The following CREB1 variants were observed in gnomAD, a reference collection of about 807,000 sequenced individuals.
CREB1 encodes the protein cyclic AMP-responsive element-binding protein 1.
A neutral mutation model predicts 42.0 loss-of-function variants in CREB1; 2 were observed. The ratio of observed to expected loss-of-function variants is 0.05; its 90% confidence interval spans 0.02 to 0.15. The LOEUF is 0.15. Among genes scored for constraint, CREB1 ranks in the 10% least tolerant of loss-of-function variants. The probability of loss-of-function intolerance (pLI) is 1.00; values close to 1 mark genes in which losing one functional copy is unlikely to be tolerated. For synonymous variants in CREB1, 123 were observed against 139.9 expected (o/e 0.88, Z 0.85); for missense variants, 199 against 388.9 (o/e 0.51, Z 4.11).
chr2:207,582,358 G>C (rs1447935708), intron 7 of CREB1, among the ~76,000 whole-genome samples: 3 of 152,098 alleles, frequency 2.0e-5, no homozygotes, highest in Admixed American at 2.0e-4. Flanking sequence ...TGGGAATTTT[G>C]TATATCTCCA....
intron 1 of CREB1, among the ~76,000 whole-genome samples, chr2:207,544,007 C>CTT (rs1559267851): frequency 6.6e-6 from 1 of 152,136 alleles, no homozygotes; most frequent in Non-Finnish European, 1.5e-5. Context: ...GCAAGCTCTG[C>CTT]CTCCTGGGTT....
chr2:207,535,129 T>C (rs1349656282), intron 1 of CREB1, among the ~76,000 whole-genome samples: 1 of 152,200 alleles, frequency 6.6e-6, no homozygotes, highest in Admixed American at 6.5e-5. Context: ...TTTCTTTAAA[T>C]GAAAAACTTT....
intron 7 of CREB1, among the ~76,000 whole-genome samples, chr2:207,595,465 A>G (rs1371415707): frequency 6.6e-6 from 1 of 151,730 alleles, no homozygotes; most frequent in African/African-American, 2.4e-5. Flanking sequence ...CTGTCTCCCA[A>G]GCTGTGGTAT....
chr2:207,530,667 G>A (rs1047912986), intron 1 of CREB1, among the ~76,000 whole-genome samples: 1 of 151,114 alleles, frequency 6.6e-6, no homozygotes, highest in Non-Finnish European at 1.5e-5. Context: ...GGGGATGGAG[G>A]AGGAAGAAGG....
chr2:207,601,398 C>T lies in CREB1; in HGVS notation c.*4340C>T, dbSNP rs932819841. ...TTTTTCATTGATTAAAATATTTTAG[C>T]ACCTAAAAGCTAGCCTTAAAAACAG... On this transcript the variant is annotated 3_prime_UTR_variant, in exon 8 of 8. Coordinates refer to ENST00000353267, the MANE Select transcript of CREB1 (RefSeq NM_004379.5). The T allele has an allele frequency of 5.4e-6, 1 of 186,634 alleles. No individual in the cohort carries two copies. The highest frequency in any genetic ancestry group is 2.3e-5 in the African/African-American group (1 of 42,850). 11.6% of individuals were successfully genotyped at this position (186,634 alleles called of 1,614,324 possible).
At chr2:207,535,549 A>G (rs1214991375) in intron 1 of CREB1, among the ~76,000 whole-genome samples, 1 of 151,986 alleles carries the variant, frequency 6.6e-6, no homozygotes, top group Non-Finnish European at 1.5e-5. Context: ...ACGATTTTCT[A>G]GTATTTCTTA....
At chr2:207,582,551 C>G (rs1477617399) in intron 7 of CREB1, among the ~76,000 whole-genome samples, 1 of 152,036 alleles carries the variant, frequency 6.6e-6, no homozygotes, top group African/African-American at 2.4e-5. Flanking sequence ...TCTTCTGTGT[C>G]CTTTTGACAT....
chr2:207,587,947 T>G (rs1233285399), intron 7 of CREB1, among the ~76,000 whole-genome samples: 1 of 152,204 alleles, frequency 6.6e-6, no homozygotes, highest in Admixed American at 6.5e-5. Context: ...GTGAGGATTT[T>G]GAATGTTCAC....
intron 1 of CREB1, among the ~76,000 whole-genome samples, chr2:207,545,121 G>A (rs1224406463): frequency 6.6e-6 from 1 of 152,162 alleles, no homozygotes; most frequent in Non-Finnish European, 1.5e-5. Flanking sequence ...CTGCCTCTAG[G>A]TTTTTGAGGT....
intron 7 of CREB1, among the ~76,000 whole-genome samples, chr2:207,590,353 C>T (rs1023619839): frequency 1.7e-4 from 25 of 149,962 alleles, no homozygotes; most frequent in Admixed American, 3.3e-4. Flanking sequence ...AGCCACCCTC[C>T]TTTTTTTTTA....
At chr2:207,575,986 T>C (rs1055637408) in intron 6 of CREB1, among the ~76,000 whole-genome samples, 2 of 133,038 alleles carry the variant, frequency 1.5e-5, no homozygotes, top group African/African-American at 2.8e-5. Flanking sequence ...TCAGTTTTTA[T>C]TATTATTATT....
chr2:207,533,086 CTTT>C (rs34172985), intron 1 of CREB1, among the ~76,000 whole-genome samples: 1 of 145,648 alleles, frequency 6.9e-6, no homozygotes, highest in Non-Finnish European at 1.5e-5. Flanking sequence ...CTGCTTGAAT[CTTT>C]TTTTTTTTTT....
chr2:207,595,633 G>A (rs1022171862), intron 7 of CREB1, among the ~76,000 whole-genome samples: 4 of 152,058 alleles, frequency 2.6e-5, no homozygotes, highest in Non-Finnish European at 4.4e-5. Flanking sequence ...GCAGGATCAC[G>A]GCTCACTGCA....
rs1362347810 is a variant in CREB1, at chr2:207,597,856, TA to T, written c.*799del. 2 of 191,460 alleles carry T rather than the reference TA, an allele frequency of 1.0e-5. No individual in the cohort carries two copies. Among genetic ancestry groups the T allele is most frequent in the Non-Finnish European group, 2.2e-5 (2 of 91,538 alleles). 11.9% of individuals were successfully genotyped at this position (191,460 alleles called of 1,614,324 possible). A position where few individuals can be genotyped will look rare whatever the true frequency, so the allele number is the denominator to read the frequency against. On this transcript the variant is annotated 3_prime_UTR_variant, in exon 8 of 8. Coordinates refer to ENST00000353267, the MANE Select transcript of CREB1 (RefSeq NM_004379.5). The stretch of plus-strand genomic sequence containing the variant: ...GTAAATAAAAGTACAAAGCATATTT[TA>T]GTTAGTACTAAATTCTTAGTAAAAT...
intron 2 of CREB1, among the ~76,000 whole-genome samples, chr2:207,559,981 A>G (rs1225130124): frequency 6.6e-6 from 1 of 152,230 alleles, no homozygotes; most frequent in African/African-American, 2.4e-5. Context: ...TTGGTATAAC[A>G]TGGGAATAGT....
chr2:207,591,870 T>G (rs1191277229), intron 7 of CREB1, among the ~76,000 whole-genome samples: 1 of 152,196 alleles, frequency 6.6e-6, no homozygotes, highest in Non-Finnish European at 1.5e-5. Flanking sequence ...TTTAAATGGT[T>G]TAGATCAGGG....
chr2:207,533,980 T>C (rs910891785), intron 1 of CREB1, among the ~76,000 whole-genome samples: 1 of 152,226 alleles, frequency 6.6e-6, no homozygotes, highest in African/African-American at 2.4e-5. Flanking sequence ...CTACTACTTA[T>C]TTCATAAGAT....
At chr2:207,557,437 CTT>C (rs1353914411) in intron 2 of CREB1, among the ~76,000 whole-genome samples, 1 of 152,198 alleles carries the variant, frequency 6.6e-6, no homozygotes, top group Non-Finnish European at 1.5e-5. Flanking sequence ...AATCCCCACA[CTT>C]TGGGAGGCCG....
chr2:207,544,711 C>T (rs989596133), intron 1 of CREB1, among the ~76,000 whole-genome samples: 2 of 152,144 alleles, frequency 1.3e-5, no homozygotes, highest in African/African-American at 4.8e-5. Context: ...GCTCTTCCTC[C>T]TCCCACCCCC....
Sources: gnomAD v4.1 joint callset for allele counts (sites outside exome capture counted in the v4.1 genomes callset) on GRCh38, gnomAD v4.1.1 for gene constraint, MANE v1.5 for transcripts, NCBI Gene and HGNC (gene_info 2026-07-23, HGNC 2026-07-21) for gene names.